DPYD: variants seen among roughly 807,000 people sequenced by gnomAD.
DPYD encodes the protein dihydropyrimidine dehydrogenase [NADP(+)].
In DPYD, 109 loss-of-function variants were observed where a neutral mutation model predicts 116.2. That is an observed-to-expected ratio of 0.94 (90% CI 0.80 to 1.10). The LOEUF (loss-of-function observed/expected upper bound fraction) is 1.10. Among genes scored for constraint, DPYD ranks in the 50% least tolerant of loss-of-function variants. DPYD has a pLI of 0.00. For synonymous variants in DPYD, 440 were observed against 432.0 expected (o/e 1.02, Z -0.23); for missense variants, 1,302 against 1,254.5 (o/e 1.04, Z -0.57).
At chr1:97,130,906 A>C (rs1321883440) in intron 20 of DPYD, among the ~76,000 whole-genome samples, 1,456 of 81,770 alleles carry the variant, frequency 0.018, 8 homozygotes, top group African/African-American at 0.043. Context: ...TCCCTCCCTC[A>C]CTCCCTCCCT....
intron 18 of DPYD, among the ~76,000 whole-genome samples, chr1:97,297,524 C>T (rs781608039): frequency 2.6e-5 from 4 of 152,132 alleles, no homozygotes; most frequent in African/African-American, 4.8e-5. Flanking sequence ...TTTGGAAGAG[C>T]TCAGTGCATA....
At chr1:97,759,171 C>T (rs762513414) in intron 3 of DPYD, among the ~76,000 whole-genome samples, 12 of 152,138 alleles carry the variant, frequency 7.9e-5, no homozygotes, top group Non-Finnish European at 1.8e-4. Flanking sequence ...AGTCTGTATA[C>T]CAGCGTTACT....
chr1:97,480,244 G>GA (rs1236040379), intron 13 of DPYD, among the ~76,000 whole-genome samples: 2 of 151,460 alleles, frequency 1.3e-5, no homozygotes, highest in African/African-American at 2.4e-5. Context: ...ATCAAACTGA[G>GA]AAAAAAAAGA....
chr1:97,162,400 A>T (rs1328575343), intron 20 of DPYD, among the ~76,000 whole-genome samples: 3 of 152,294 alleles, frequency 2.0e-5, no homozygotes, highest in African/African-American at 7.2e-5. Flanking sequence ...AGAGAAAAAA[A>T]TACCTAGGAA....
chr1:97,440,286 A>G (rs1220642513), intron 14 of DPYD, among the ~76,000 whole-genome samples: 1 of 151,810 alleles, frequency 6.6e-6, no homozygotes, highest in Admixed American at 6.6e-5. Flanking sequence ...AAAAAATCCA[A>G]TGTGAAAATC....
At chr1:97,547,369 C>T (rs1432040439) in intron 12 of DPYD, among the ~76,000 whole-genome samples, 2 of 152,118 alleles carry the variant, frequency 1.3e-5, no homozygotes, top group Non-Finnish European at 2.9e-5. Flanking sequence ...TTTGCTGCTT[C>T]CTCTGTCTGA....
chr1:97,583,560 A>G (rs576830999), intron 10 of DPYD, among the ~76,000 whole-genome samples: 1 of 151,478 alleles, frequency 6.6e-6, no homozygotes, highest in Non-Finnish European at 1.5e-5. Context: ...ACAAATTAGG[A>G]TCATCTGTTT....
intron 20 of DPYD, among the ~76,000 whole-genome samples, chr1:97,180,839 G>A (rs1570616609): frequency 1.3e-5 from 2 of 152,234 alleles, no homozygotes; most frequent in South Asian, 4.2e-4. Flanking sequence ...AAGGAGAAAT[G>A]GGGAATCATA....
chr1:97,628,545 A>C (rs1273469718), intron 8 of DPYD, among the ~76,000 whole-genome samples: 9 of 152,096 alleles, frequency 5.9e-5, no homozygotes, highest in Admixed American at 5.9e-4. Flanking sequence ...AAACAATTCT[A>C]TCAAATAACA....
chr1:97,317,830 A>G (rs1447570881), intron 16 of DPYD, among the ~76,000 whole-genome samples: 1 of 151,964 alleles, frequency 6.6e-6, no homozygotes, highest in African/African-American at 2.4e-5. Flanking sequence ...AAGAATTACT[A>G]TTGAGGCAAT....
chr1:97,430,615 C>G (rs989045359), intron 14 of DPYD, among the ~76,000 whole-genome samples: 1 of 151,514 alleles, frequency 6.6e-6, no homozygotes, highest in Non-Finnish European at 1.5e-5. Context: ...TCCTCTTTCA[C>G]GTGAATTTTA....
At chr1:97,690,141 ATT>A (rs1176894091) in intron 7 of DPYD, among the ~76,000 whole-genome samples, 1 of 152,036 alleles carries the variant, frequency 6.6e-6, no homozygotes, top group Non-Finnish European at 1.5e-5. Context: ...ATATTTTTAT[ATT>A]TTGTTCAAAT....
intron 18 of DPYD, among the ~76,000 whole-genome samples, chr1:97,257,927 A>T (rs1663611696): frequency 6.6e-6 from 1 of 152,114 alleles, no homozygotes; most frequent in Non-Finnish European, 1.5e-5. Flanking sequence ...ATCAGAGAAA[A>T]GTGTATTGTA....
chr1:97,295,922 A>C (rs1666499368), intron 18 of DPYD: 1 of 190,614 alleles, frequency 5.2e-6, no homozygotes, highest in African/African-American at 2.4e-5. Flanking sequence ...CCCACAAGTA[A>C]ACTGATTTTA....
intron 13 of DPYD, among the ~76,000 whole-genome samples, chr1:97,477,508 T>G (rs374198474): frequency 1.5e-4 from 23 of 152,316 alleles, no homozygotes; most frequent in Non-Finnish European, 1.8e-4. Context: ...GGGTTATTAA[T>G]TGGCCTAATT....
At chr1:97,652,409 T>C (rs1658639826) in intron 8 of DPYD, among the ~76,000 whole-genome samples, 1 of 152,214 alleles carries the variant, frequency 6.6e-6, no homozygotes, top group Non-Finnish European at 1.5e-5. Context: ...TTCTGTTTCA[T>C]CATTATGAAT....
chr1:97,505,665 TATACACACAC>T (rs1378427871), intron 13 of DPYD, among the ~76,000 whole-genome samples: 1 of 151,690 alleles, frequency 6.6e-6, no homozygotes, highest in Admixed American at 6.6e-5. Context: ...ATTACACACA[TATACACACAC>T]ACAAACACAC....
chr1:97,124,295 A>G (rs1233124873), intron 20 of DPYD, among the ~76,000 whole-genome samples: 1 of 152,070 alleles, frequency 6.6e-6, no homozygotes, highest in Non-Finnish European at 1.5e-5. Context: ...AGTCCCTAAT[A>G]AAATAATTCT....
intron 8 of DPYD, among the ~76,000 whole-genome samples, chr1:97,613,455 A>G (rs946979351): frequency 6.6e-6 from 1 of 151,974 alleles, no homozygotes; most frequent in Non-Finnish European, 1.5e-5. Context: ...CATATTTATC[A>G]TCTGTTTTAC....
Sources: allele counts gnomAD v4.1 joint callset (sites outside exome capture counted in the v4.1 genomes callset), GRCh38; gene constraint gnomAD v4.1.1; transcripts MANE v1.5; gene names NCBI Gene and HGNC (gene_info 2026-07-23, HGNC 2026-07-21).